The following PALM2AKAP2 variants were observed in gnomAD, a reference collection of about 807,000 sequenced individuals.
PALM2AKAP2 encodes the protein PALM2 and AKAP2 fusion, also known as PALM2-AKAP2 fusion protein.
In PALM2AKAP2, 37 loss-of-function variants were observed where a neutral mutation model predicts 71.5. The observed-to-expected ratio is 0.52, with a 90% confidence interval of 0.40 to 0.68. PALM2AKAP2 has a LOEUF of 0.68. PALM2AKAP2 is among the 30% of genes least tolerant of loss of function. The probability of loss-of-function intolerance (pLI) is 0.00; values close to 1 mark genes in which losing one functional copy is unlikely to be tolerated. For missense variants in PALM2AKAP2, 1,224 were observed against 1,191.8 expected (o/e 1.03, Z -0.40); for synonymous variants, 468 against 478.8 (o/e 0.98, Z 0.29).
intron 1 of PALM2AKAP2, among the ~76,000 whole-genome samples, chr9:109,852,400 A>G (rs1829045512): frequency 6.6e-6 from 1 of 152,166 alleles, no homozygotes; most frequent in Non-Finnish European, 1.5e-5. Context: ...GTAGTATTCC[A>G]TGGTGTATAT....
chr9:110,145,593 C>G (rs922482339), intron 2 of PALM2AKAP2, among the ~76,000 whole-genome samples: 3 of 151,940 alleles, frequency 2.0e-5, no homozygotes, highest in Non-Finnish European at 4.4e-5. Context: ...TCATTGAGCA[C>G]CATGACTACG....
intron 2 of PALM2AKAP2, among the ~76,000 whole-genome samples, chr9:109,870,653 T>C (rs1829580185): frequency 6.6e-6 from 1 of 152,220 alleles, no homozygotes; most frequent in Non-Finnish European, 1.5e-5. Flanking sequence ...TGAGAGAAAC[T>C]CCTGGGCTGT....
chr9:110,167,128 A>G (rs974800696), intron 3 of PALM2AKAP2, among the ~76,000 whole-genome samples: 1 of 152,160 alleles, frequency 6.6e-6, no homozygotes, highest in Admixed American at 6.5e-5. Context: ...AGCATGGGAA[A>G]ACTCGCTCCC....
intron 3 of PALM2AKAP2, among the ~76,000 whole-genome samples, chr9:109,894,583 A>G (rs1830157343): frequency 6.6e-6 from 1 of 152,220 alleles, no homozygotes; most frequent in Non-Finnish European, 1.5e-5. Flanking sequence ...CAATGGACCC[A>G]TCTTACTGAA....
At chr9:109,803,223 T>C (rs1827481961) in intron 1 of PALM2AKAP2, among the ~76,000 whole-genome samples, 1 of 152,236 alleles carries the variant, frequency 6.6e-6, no homozygotes, top group Admixed American at 6.5e-5. Flanking sequence ...TGACGAAATC[T>C]AGTAATTGTC....
chr9:110,034,501 C>T (rs990157832), intron 7 of PALM2AKAP2, among the ~76,000 whole-genome samples: 3 of 151,682 alleles, frequency 2.0e-5, no homozygotes, highest in African/African-American at 7.3e-5. Context: ...GTTAACTTTA[C>T]AACTAGCCAT....
chr9:110,120,421 C>A lies in PALM2AKAP2; in HGVS notation c.157-15706C>A, dbSNP rs571466328. Among the ~76,000 whole-genome samples, 9 of 152,298 alleles carry A rather than the reference C, an allele frequency of 5.9e-5. No individual in the cohort carries two copies. The East Asian group carries it at 1.7e-3, about 29-fold the overall frequency. ...CCTGCTAGACTTCTCAGTGCCTTTC[C>A]CTTAAATGTCACCAGTAGCTTCACC... is the stretch of plus-strand genomic sequence containing the variant. On this transcript the variant is annotated intron_variant, in intron 1 of 3. Coordinates refer to ENST00000374525, the Ensembl canonical transcript of PALM2AKAP2.
intron 1 of PALM2AKAP2, among the ~76,000 whole-genome samples, chr9:109,811,087 A>C (rs1827715915): frequency 6.6e-6 from 1 of 152,246 alleles, no homozygotes; most frequent in Non-Finnish European, 1.5e-5. Context: ...AAGGCAATGC[A>C]GTCAGATTTC....
intron 1 of PALM2AKAP2, among the ~76,000 whole-genome samples, chr9:109,678,351 T>C (rs376172752): frequency 1.3e-5 from 2 of 152,352 alleles, no homozygotes; most frequent in African/African-American, 4.8e-5. Flanking sequence ...TTACTTACAC[T>C]GAATTGTTCC....
chr9:109,768,126 AAAG>A (rs1016221886), intron 1 of PALM2AKAP2, among the ~76,000 whole-genome samples: 4 of 151,570 alleles, frequency 2.6e-5, no homozygotes, highest in Admixed American at 2.6e-4. Flanking sequence ...GGAAGGAAAG[AAAG>A]AAAGAAATGG....
intron 1 of PALM2AKAP2, among the ~76,000 whole-genome samples, chr9:109,825,938 A>G (rs1397255932): frequency 6.6e-6 from 1 of 152,194 alleles, no homozygotes; most frequent in Non-Finnish European, 1.5e-5. Context: ...GACACTATTC[A>G]CAATAGGAAA....
chr9:109,654,564 C>G (rs1827269739), intron 1 of PALM2AKAP2, among the ~76,000 whole-genome samples: 1 of 152,160 alleles, frequency 6.6e-6, no homozygotes, highest in African/African-American at 2.4e-5. Context: ...TTCTGAAGGA[C>G]TCAATATGTT....
At chr9:110,044,714 A>G (rs1431146421), upstream of PALM2AKAP2, among the ~76,000 whole-genome samples, 2 of 150,008 alleles carry the variant, frequency 1.3e-5, no homozygotes, top group East Asian at 1.9e-4. Context: ...TCTGTAGGAC[A>G]TATTTAGCAC....
At position 110,039,841 on chromosome 9, in the gene PALM2AKAP2, G is replaced by A. The variant is rs576623951; in HGVS notation, c.582+23802G>A. Among the ~76,000 whole-genome samples, 3 of 152,192 alleles carry A rather than the reference G, an allele frequency of 2.0e-5. No individual in the cohort carries two copies. In the East Asian group the frequency reaches 5.8e-4, roughly 29 times the overall value. On this transcript the variant is annotated intron_variant, in intron 7 of 9. Transcript: ENST00000302798. ...GAGCCCTCTGTGGGAATCACAAACT[G>A]TTTCTGATACCTGGCAGCTTTACTC...
intron 1 of PALM2AKAP2, among the ~76,000 whole-genome samples, chr9:109,785,716 G>A (rs115584945): frequency 0.018 from 2,734 of 152,242 alleles, 73 homozygotes; most frequent in African/African-American, 0.058. Context: ...ACATGTCCCC[G>A]TGATTCAATT....
chr9:109,759,696 G>A (rs1030780640), intron 1 of PALM2AKAP2, among the ~76,000 whole-genome samples: 7 of 152,066 alleles, frequency 4.6e-5, no homozygotes, highest in Admixed American at 6.6e-5. Context: ...TTCTCTGGAC[G>A]GATGTTGTTT....
intron 5 of PALM2AKAP2, among the ~76,000 whole-genome samples, chr9:109,928,464 G>T (rs1588014766): frequency 6.6e-6 from 1 of 152,092 alleles, no homozygotes; most frequent in Non-Finnish European, 1.5e-5. Flanking sequence ...TCTGACTTTG[G>T]CAGGAAGAGG....
chr9:110,006,324 C>CTCTT (rs201648047), intron 6 of PALM2AKAP2, among the ~76,000 whole-genome samples: 19,794 of 101,928 alleles, frequency 0.19, 2,117 homozygotes, highest in Middle Eastern at 0.26. Flanking sequence ...TTCCTTCCTT[C>CTCTT]TCTTTCTTTC....
chr9:109,851,908 G>T (rs1829031872), intron 1 of PALM2AKAP2, among the ~76,000 whole-genome samples: 1 of 152,032 alleles, frequency 6.6e-6, no homozygotes, highest in Non-Finnish European at 1.5e-5. Flanking sequence ...TGTGGTCTTT[G>T]TTCACTTCCT....
Sources: allele counts gnomAD v4.1 joint callset (sites outside exome capture counted in the v4.1 genomes callset), GRCh38; gene constraint gnomAD v4.1.1; transcripts MANE v1.5; gene names NCBI Gene and HGNC (gene_info 2026-07-23, HGNC 2026-07-21).